The following PRPF18 variants were observed in gnomAD, a reference collection of about 807,000 sequenced individuals.
PRPF18 encodes the protein pre-mRNA-splicing factor 18.
Under a neutral mutation model 46.5 loss-of-function variants are expected in PRPF18, and 38 were observed. The observed-to-expected ratio is 0.82, with a 90% CI of 0.63 to 1.07. The LOEUF (loss-of-function observed/expected upper bound fraction) is 1.07. PRPF18 is among the 50% of genes least tolerant of loss of function. The probability of loss-of-function intolerance (pLI) is 0.00; values close to 1 mark genes in which losing one functional copy is unlikely to be tolerated. For missense variants in PRPF18, 263 were observed against 410.0 expected (o/e 0.64, Z 3.10); for synonymous variants, 152 against 146.7 (o/e 1.04, Z -0.26).
chr10:13,610,730 C>T (rs1564456999), intron 5 of PRPF18, among the ~76,000 whole-genome samples: 1 of 152,150 alleles, frequency 6.6e-6, no homozygotes, highest in South Asian at 2.1e-4. Context: ...TGTGCATAAC[C>T]ACGATGGCCT....
At chr10:13,646,036 T>TAACA in the PRPF18 span, 6 of 152,380 alleles carry the variant, frequency 3.9e-5, no homozygotes, top group African/African-American at 1.4e-4. Context: ...GGACCGGGGC[T>TAACA]AACAGTACCC....
At chr10:13,587,285 C>G in intron 1 of PRPF18, 133 bp downstream of exon 1, 2 of 921,774 alleles carry the variant, frequency 2.2e-6, no homozygotes, top group Non-Finnish European at 3.5e-6. Context: ...GCCACTACCC[C>G]TGGTAGGCCC....
chr10:13,598,999 C>T (rs1343436824), intron 2 of PRPF18, among the ~76,000 whole-genome samples: 2 of 152,202 alleles, frequency 1.3e-5, no homozygotes, highest in Non-Finnish European at 2.9e-5. Context: ...TCGAGTCCAG[C>T]TCATGAAATG....
the PRPF18 span, chr10:13,655,904 CTGT>C: frequency 6.6e-6 from 1 of 152,054 alleles, no homozygotes; most frequent in Non-Finnish European, 1.5e-5. Context: ...GTCATTGTCA[CTGT>C]TATTAAATGT....
chr10:13,648,407 C>T, the PRPF18 span, among the ~76,000 whole-genome samples: 6 of 152,160 alleles, frequency 3.9e-5, no homozygotes, highest in Non-Finnish European at 8.8e-5. Context: ...TGCAGGGGTC[C>T]TATGTTTTTC....
At chr10:13,639,607 A>G in the PRPF18 span, 1 of 152,186 alleles carries the variant, frequency 6.6e-6, no homozygotes, top group African/African-American at 2.4e-5. Flanking sequence ...ATATTATAGC[A>G]TAGATTTTAG....
intron 9 of PRPF18, among the ~76,000 whole-genome samples, chr10:13,617,573 A>G (rs1249365125): frequency 3.3e-5 from 5 of 152,206 alleles, no homozygotes; most frequent in Non-Finnish European, 7.4e-5. Flanking sequence ...CTTAGCTTTA[A>G]CAATAGAAAA....
At chr10:13,645,633 G>A in the PRPF18 span, 1 of 152,490 alleles carries the variant, frequency 6.6e-6, no homozygotes, top group African/African-American at 2.4e-5. Context: ...TGATGATGTA[G>A]ACACATGGGC....
the PRPF18 span, among the ~76,000 whole-genome samples, chr10:13,650,149 G>A: frequency 6.6e-6 from 1 of 152,380 alleles, no homozygotes; most frequent in African/African-American, 2.4e-5. Context: ...ACAGGGTTTT[G>A]TGGTTTATAA....
chr10:13,650,711 AACTT>A, the PRPF18 span, among the ~76,000 whole-genome samples: 5 of 152,094 alleles, frequency 3.3e-5, no homozygotes, highest in Non-Finnish European at 7.4e-5. Context: ...ATATTGTCCT[AACTT>A]ACTTTTCAAA....
At chr10:13,599,997 T>C (rs974721060) in intron 2 of PRPF18, among the ~76,000 whole-genome samples, 3 of 152,334 alleles carry the variant, frequency 2.0e-5, no homozygotes, top group South Asian at 2.1e-4. Context: ...GTGGTAGTCG[T>C]GTCACTCTTT....
chr10:13,650,796 C>T, the PRPF18 span, among the ~76,000 whole-genome samples: 2 of 152,304 alleles, frequency 1.3e-5, no homozygotes, highest in African/African-American at 4.8e-5. Context: ...TCTGTGCATC[C>T]ATGTTTTTGC....
chr10:13,625,735 C>T (rs1589137817), intron 9 of PRPF18, among the ~76,000 whole-genome samples: 1 of 152,156 alleles, frequency 6.6e-6, no homozygotes, highest in African/African-American at 2.4e-5. Context: ...GAAAAGGTCG[C>T]TTACAAAGGT....
At position 13,590,806 on chromosome 10, in the gene PRPF18, G is replaced by A. The variant is rs143719844; in HGVS notation, c.66+3654G>A. On this transcript the variant is annotated intron_variant, in intron 1 of 9. Transcript: ENST00000378572. ...TGCAGCTAGCAAGAGATAGAGCCTG[G>A]ATTTGAACCCTGGTCTGTTCCTACT... Among the ~76,000 whole-genome samples the A allele has an allele frequency of 1.6e-3, 243 of 152,192 alleles. 1 individual carries two copies. Among genetic ancestry groups the A allele is most frequent in the African/African-American group, 5.5e-3 (227 of 41,510 alleles).
rs537160935 is a variant in PRPF18, at chr10:13,605,754, C to G, written c.363+10C>G. On this transcript the variant is annotated intron_variant, in intron 4 of 9. Coordinates refer to ENST00000378572, the MANE Select transcript of PRPF18 (RefSeq NM_003675.4). ...ACCAGAAGTTAACAAGGTAAGAGGA[C>G]AGAACAAAGCTAGAAAAATACCACT... 4 of 1,602,810 alleles carry G rather than the reference C, an allele frequency of 2.5e-6. No individual in the cohort carries two copies. The African/African-American group carries it at 5.4e-5, about 22-fold the overall frequency.
chr10:13,621,391 C>T (rs2080417882), intron 9 of PRPF18, among the ~76,000 whole-genome samples: 1 of 152,144 alleles, frequency 6.6e-6, no homozygotes, highest in Non-Finnish European at 1.5e-5. Flanking sequence ...CAACTTGCTC[C>T]CTGGAGGGGC....
chr10:13,644,410 T>C, the PRPF18 span: 1 of 152,256 alleles, frequency 6.6e-6, no homozygotes, highest in Admixed American at 6.5e-5. Context: ...TTTATGTACA[T>C]TTTGTATTAA....
the PRPF18 span, among the ~76,000 whole-genome samples, chr10:13,638,299 C>CTTTTT: frequency 1.2e-4 from 15 of 125,000 alleles, no homozygotes; most frequent in Non-Finnish European, 1.2e-4. Flanking sequence ...CTTGGCTTTT[C>CTTTTT]TTTTTTTTTT....
intron 6 of PRPF18, among the ~76,000 whole-genome samples, chr10:13,612,525 T>C (rs2080284896): frequency 6.6e-6 from 1 of 151,080 alleles, no homozygotes; most frequent in African/African-American, 2.4e-5. Context: ...CCACAAGTGA[T>C]CCACCTGCCT....
Sources: allele counts gnomAD v4.1 joint callset (sites outside exome capture counted in the v4.1 genomes callset), GRCh38; gene constraint gnomAD v4.1.1; transcripts MANE v1.5; gene names NCBI Gene and HGNC (gene_info 2026-07-23, HGNC 2026-07-21).